Variants in JAML observed in about 807,000 individuals in gnomAD.
JAML encodes junction adhesion molecule like, also known as junctional adhesion molecule-like.
In JAML, 25 loss-of-function variants were observed where a neutral mutation model predicts 39.3. That is an observed-to-expected ratio of 0.64 (90% CI 0.46 to 0.89). The LOEUF (loss-of-function observed/expected upper bound fraction) is 0.89. JAML is among the 40% of genes least tolerant of loss of function. JAML has a pLI of 0.00. For synonymous variants in JAML, 162 were observed against 179.2 expected (o/e 0.90, Z 0.77); for missense variants, 440 against 486.9 (o/e 0.90, Z 0.91).
chr11:118,221,032 C>G (rs1793187), intron 1 of JAML, among the ~76,000 whole-genome samples: 118,035 of 152,172 alleles, frequency 0.78, 46,368 homozygotes, highest in African/African-American at 0.9. Flanking sequence ...TTCAAGAGCT[C>G]CCTGTCATAG....
chr11:118,202,464 G>A (rs527501857), intron 6 of JAML: 14 of 159,858 alleles, frequency 8.8e-5, no homozygotes, highest in African/African-American at 3.1e-4. Context: ...TCCTGAGAAG[G>A]ATACCACCTG....
At chr11:118,210,181 T>C (rs1466277688) in intron 4 of JAML, among the ~76,000 whole-genome samples, 1 of 152,244 alleles carries the variant, frequency 6.6e-6, no homozygotes, top group Non-Finnish European at 1.5e-5. Flanking sequence ...TCAAGTACTA[T>C]TTATTCCATT....
intron 5 of JAML, 57 bp downstream of exon 5, chr11:118,205,825 G>A: frequency 6.7e-7 from 1 of 1,503,336 alleles, no homozygotes; most frequent in Non-Finnish European, 9.3e-7. Context: ...TTCTACCTTT[G>A]TCCTGATACC....
chr11:118,203,642 G>A lies in JAML; in HGVS notation c.558C>T (p.Tyr186=), dbSNP rs1429307755. The A allele has an allele frequency of 1.2e-6, 2 of 1,613,630 alleles. No individual in the cohort carries two copies. The highest frequency in any genetic ancestry group is 1.7e-4 in the Middle Eastern group (1 of 6,060). ...RAKEEIVFRY[Y]HKLRMSVEYS... ...ACTCCACAGACATCCTGAGTTTGTG[G>A]TAGTAACGAAATACAATCTCCTCCT... Residue 186 remains tyrosine, a synonymous_variant, in exon 6 of 10, where the codon TAC becomes TAT. Coordinates refer to ENST00000356289, the MANE Select transcript of JAML (RefSeq NM_001098526.2).
chr11:118,224,171 G>A (rs971185732), intron 1 of JAML: 2 of 152,212 alleles, frequency 1.3e-5, no homozygotes, highest in African/African-American at 4.8e-5. Context: ...AGACTGGTAG[G>A]TCACGTGGCT....
At chr11:118,199,992 G>A (rs1948745331) in intron 7 of JAML, among the ~76,000 whole-genome samples, 1 of 152,058 alleles carries the variant, frequency 6.6e-6, no homozygotes, top group South Asian at 2.1e-4. Context: ...CACTGCGCCT[G>A]GCCAAAAGCA....
intron 1 of JAML, among the ~76,000 whole-genome samples, chr11:118,220,945 TG>T: frequency 6.6e-6 from 1 of 152,332 alleles, no homozygotes; most frequent in African/African-American, 2.4e-5. Context: ...CTGCCCCCGC[TG>T]AATTCCAAAT....
At chr11:118,212,753 T>C (rs1949087967) in intron 2 of JAML, 192 bp from the exon 3 acceptor site, 1 of 1,554,160 alleles carries the variant, frequency 6.4e-7, no homozygotes, top group Non-Finnish European at 8.7e-7. Context: ...TCAGAAGGAT[T>C]CTGCAATCTT....
Position 118,212,499 on chromosome 11 carries a change from C to T in JAML, c.106G>A (p.Asp36Asn), listed in dbSNP as rs201464089. 1.9e-6 allele frequency: 3 copies of T among 1,614,076 alleles called. No individual in the cohort carries two copies. Among genetic ancestry groups the T allele is most frequent in the Non-Finnish European group, 2.5e-6 (3 of 1,180,026 alleles). The change falls in exon 3 of 10, where the codon GAT becomes AAT. Residue 36 changes from aspartate (D) to asparagine (N), a missense_variant. Asp to Asn is a conservative substitution (Grantham distance 23, BLOSUM62 1). Transcript: ENST00000356289. ...AAAACACATCCCATCAGAGCTGAAT[C>T]ACCCACATGGACTGTTAGCTCAGGC... ...SPPELTVHVG[D>N]SALMGCVFQS...
At chr11:118,213,858 A>G (rs1399262406) in intron 2 of JAML, among the ~76,000 whole-genome samples, 2 of 152,216 alleles carry the variant, frequency 1.3e-5, no homozygotes, top group Non-Finnish European at 2.9e-5. Context: ...AGGCTGCTCC[A>G]CAGACCTCTA....
At chr11:118,199,889 C>A (rs966675474) in intron 7 of JAML, among the ~76,000 whole-genome samples, 3 of 151,722 alleles carry the variant, frequency 2.0e-5, no homozygotes, top group Non-Finnish European at 2.9e-5. Context: ...GTAAAGACAG[C>A]TTTTCACCGT....
intron 1 of JAML, among the ~76,000 whole-genome samples, chr11:118,223,053 C>A (rs1178649109): frequency 2.7e-5 from 4 of 145,620 alleles, no homozygotes; most frequent in African/African-American, 1.0e-4. Flanking sequence ...CGAGATTGTG[C>A]CACTGCATGC....
chr11:118,222,654 G>A lies in JAML; in HGVS notation c.-21+2287C>T, dbSNP rs1013181319. 2.0e-5 allele frequency among the ~76,000 whole-genome samples: 3 copies of A among 152,162 alleles called. No individual in the cohort carries two copies. The highest frequency in any genetic ancestry group is 2.9e-5 in the Non-Finnish European group (2 of 68,014). ...CTAATGATTTTTAAACATAAAGACA[G>A]TGTAAATAACATAAAAAATAAAGAC... On this transcript the variant is annotated intron_variant, in intron 1 of 9. Coordinates refer to ENST00000356289, the MANE Select transcript of JAML (RefSeq NM_001098526.2). The surrounding 1 kb of genome is among the most constrained non-coding windows in gnomAD (Gnocchi z 4.2).
rs1949035052 is a variant in JAML at position 118,210,645 on chromosome 11, T to G, written c.266A>C (p.His89Pro). Residue 89 changes from histidine to proline, a missense_variant, in exon 4 of 10, where the codon CAC becomes CCC. Physicochemically the swap from His to Pro is moderately conservative, Grantham distance 77. Transcript: ENST00000356289. Reference sequence around the variant, plus strand: ...ATTGCATAAGATGTCCCCCATCAAGTGTACGCGGTTCTGGAAGCGCCCAAT... The same window carrying G: ...ATTGCATAAGATGTCCCCCATCAAGGGTACGCGGTTCTGGAAGCGCCCAAT... ...VPIGRFQNRVHLMGDILCNDG... is the reference protein window; with the variant it reads ...VPIGRFQNRVPLMGDILCNDG... 1 of 1,614,060 alleles carries G rather than the reference T, an allele frequency of 6.2e-7. No individual in the cohort carries two copies. The highest frequency in any genetic ancestry group is 2.2e-5 in the East Asian group (1 of 44,904).
At chr11:118,211,840 C>G (rs1949066345) in intron 3 of JAML, among the ~76,000 whole-genome samples, 1 of 152,162 alleles carries the variant, frequency 6.6e-6, no homozygotes, top group South Asian at 2.1e-4. Context: ...CATGCTGCAT[C>G]TGCTAATCCC....
chr11:118,213,898 T>A (rs990525820), intron 2 of JAML, among the ~76,000 whole-genome samples: 6 of 152,144 alleles, frequency 3.9e-5, no homozygotes, highest in African/African-American at 1.2e-4. Flanking sequence ...TCTGAGATCA[T>A]TATAACCCTG....
In JAML at chr11:118,210,557, G is replaced by C; in HGVS notation, c.354C>G (p.Ile118Met). 2 of 1,614,186 alleles carry C rather than the reference G, an allele frequency of 1.2e-6. No homozygotes were observed. The highest frequency in any genetic ancestry group is 1.7e-6 in the Non-Finnish European group (2 of 1,180,010). Reference sequence around the variant, plus strand: ...ACACCTGGCTCTCCCCTTTGAGGCGGATTTCACAGATATAGGTTCCCTGGT... The same window carrying C: ...ACACCTGGCTCTCCCCTTTGAGGCGCATTTCACAGATATAGGTTCCCTGGT... ...EADQGTYICE[I>M]RLKGESQVFK... is the part of the protein sequence containing the mutation. Residue 118 changes from isoleucine to methionine, a missense_variant, in exon 4 of 10, where the codon ATC becomes ATG. Coordinates refer to ENST00000356289, the MANE Select transcript of JAML (RefSeq NM_001098526.2).
chr11:118,213,846 G>C (rs1024458909), intron 2 of JAML, among the ~76,000 whole-genome samples: 5 of 152,152 alleles, frequency 3.3e-5, no homozygotes, highest in Admixed American at 3.3e-4. Context: ...GCAAAAACCT[G>C]CAGGCTGCTC....
chr11:118,211,185 G>A (rs1297742791), intron 3 of JAML, among the ~76,000 whole-genome samples: 6 of 152,170 alleles, frequency 3.9e-5, no homozygotes, highest in African/African-American at 9.7e-5. Flanking sequence ...CAGCAGTATC[G>A]TAACACAAAA....
Sources: gnomAD v4.1 joint callset for allele counts (sites outside exome capture counted in the v4.1 genomes callset) on GRCh38, gnomAD v4.1.1 for gene constraint, Gnocchi (gnomAD v3.1) non-coding constraint, MANE v1.5 for transcripts, NCBI Gene and HGNC (gene_info 2026-07-23, HGNC 2026-07-21) for gene names.